The following KIAA0825 variants were observed in gnomAD, a reference collection of about 807,000 sequenced individuals.
The protein encoded by KIAA0825 is uncharacterized protein KIAA0825.
In KIAA0825, 119 loss-of-function variants were observed where a neutral mutation model predicts 147.6. The ratio of observed to expected loss-of-function variants is 0.81; its 90% CI spans 0.69 to 0.94. The LOEUF (loss-of-function observed/expected upper bound fraction) is 0.94. Ranked by LOEUF, KIAA0825 falls within the 40% of genes least tolerant of loss-of-function variation. KIAA0825 has a pLI of 0.00. For missense variants in KIAA0825, 1,381 were observed against 1,472.7 expected, an observed-to-expected ratio of 0.94 and a Z score of 1.02; for synonymous variants, 470 against 518.1, an observed-to-expected ratio of 0.91 and a Z score of 1.26.
At chr5:94,159,629 G>A (rs977362267) in intron 20 of KIAA0825, among the ~76,000 whole-genome samples, 6 of 151,910 alleles carry the variant, frequency 3.9e-5, no homozygotes. Context: ...GTATATGATC[G>A]TGTTGTCATT....
At chr5:94,380,494 C>A (rs1362964070) in intron 20 of KIAA0825, among the ~76,000 whole-genome samples, 1 of 152,212 alleles carries the variant, frequency 6.6e-6, no homozygotes, top group Non-Finnish European at 1.5e-5. Flanking sequence ...ATAAGGCAAA[C>A]AAGGTGCTAT....
intron 20 of KIAA0825, among the ~76,000 whole-genome samples, chr5:94,202,646 T>A (rs958900795): frequency 2.6e-5 from 4 of 152,200 alleles, no homozygotes; most frequent in African/African-American, 7.2e-5. Context: ...TGACTGGGGC[T>A]GGTGCCATCT....
At chr5:94,466,830 T>A (rs1183975791) in intron 10 of KIAA0825, among the ~76,000 whole-genome samples, 2 of 151,860 alleles carry the variant, frequency 1.3e-5, no homozygotes, top group Admixed American at 1.3e-4. Flanking sequence ...CTTTGTCATG[T>A]GTTTTGATGA....
intron 5 of KIAA0825, among the ~76,000 whole-genome samples, chr5:94,510,002 A>C (rs1766261625): frequency 6.6e-6 from 1 of 152,206 alleles, no homozygotes; most frequent in Admixed American, 6.5e-5. Flanking sequence ...TTTGGGAAAA[A>C]AGGTGTATGA....
chr5:94,263,449 T>A (rs143530389), intron 20 of KIAA0825, among the ~76,000 whole-genome samples: 97 of 152,312 alleles, frequency 6.4e-4, no homozygotes, highest in Non-Finnish European at 1.1e-3. Flanking sequence ...ACAGGATTCA[T>A]GTGTTTTGGC....
At chr5:94,489,887 C>CA (rs747717616) in intron 5 of KIAA0825, among the ~76,000 whole-genome samples, 1,431 of 57,372 alleles carry the variant, frequency 0.025, 18 homozygotes, top group African/African-American at 0.06. Flanking sequence ...GACTCTGTCT[C>CA]AAAAAAAAAA....
intron 1 of KIAA0825, among the ~76,000 whole-genome samples, chr5:94,596,512 G>C (rs751789876): frequency 1.6e-4 from 25 of 152,124 alleles, no homozygotes; most frequent in Non-Finnish European, 2.8e-4. Context: ...TGACTAACTT[G>C]ATGCCTCTGG....
chr5:94,373,035 A>G (rs1746955073), intron 20 of KIAA0825, among the ~76,000 whole-genome samples: 1 of 152,146 alleles, frequency 6.6e-6, no homozygotes, highest in Admixed American at 6.5e-5. Context: ...CAAGTTCCTC[A>G]TCTCCATCTT....
At chr5:94,581,071 AT>A (rs1782078620) in intron 2 of KIAA0825, among the ~76,000 whole-genome samples, 1 of 152,134 alleles carries the variant, frequency 6.6e-6, no homozygotes, top group Non-Finnish European at 1.5e-5. Flanking sequence ...CCTGTACTCA[AT>A]TATATCAAAT....
At chr5:94,248,849 A>G (rs897160170) in intron 20 of KIAA0825, among the ~76,000 whole-genome samples, 2 of 152,088 alleles carry the variant, frequency 1.3e-5, no homozygotes, top group Non-Finnish European at 2.9e-5. Flanking sequence ...TTTCTATTTT[A>G]CTTCCTTAAA....
chr5:94,396,027 A>C, intron 17 of KIAA0825, 74 bp downstream of exon 17: 5 of 1,326,414 alleles, frequency 3.8e-6, no homozygotes, highest in Non-Finnish European at 4.9e-6. Context: ...CTGACAATAT[A>C]TTGTCATTTA....
At chr5:94,232,179 C>T (rs1256857352) in intron 20 of KIAA0825, among the ~76,000 whole-genome samples, 2 of 152,002 alleles carry the variant, frequency 1.3e-5, no homozygotes, top group African/African-American at 2.4e-5. Context: ...GACAAATGGT[C>T]AAAGAAGCTT....
chr5:94,549,008 A>C (rs1584857313), intron 2 of KIAA0825, among the ~76,000 whole-genome samples: 1 of 152,214 alleles, frequency 6.6e-6, no homozygotes, highest in African/African-American at 2.4e-5. Context: ...CCTTACTTTC[A>C]GCATAGGACA....
intron 20 of KIAA0825, among the ~76,000 whole-genome samples, chr5:94,286,591 C>T (rs1777672850): frequency 6.6e-6 from 1 of 151,820 alleles, no homozygotes. Context: ...CTTGCTCTGT[C>T]ACCCAGGTTG....
chr5:94,595,404 C>G (rs1238798012), intron 1 of KIAA0825, among the ~76,000 whole-genome samples: 1 of 152,196 alleles, frequency 6.6e-6, no homozygotes, highest in Non-Finnish European at 1.5e-5. Flanking sequence ...CTGAGCTGTA[C>G]GTTGCTCCCT....
At chr5:94,454,957 A>G (rs1408393215) in intron 12 of KIAA0825, among the ~76,000 whole-genome samples, 1 of 152,132 alleles carries the variant, frequency 6.6e-6, no homozygotes, top group African/African-American at 2.4e-5. Flanking sequence ...GGGAAGATAG[A>G]AGGAGAAAAT....
At chr5:94,325,719 A>T (rs1780618166) in intron 20 of KIAA0825, among the ~76,000 whole-genome samples, 1 of 152,010 alleles carries the variant, frequency 6.6e-6, no homozygotes, top group Non-Finnish European at 1.5e-5. Context: ...AGAATGATGC[A>T]TGCTTCTTAT....
intron 2 of KIAA0825, among the ~76,000 whole-genome samples, chr5:94,566,044 G>A (rs1778653795): frequency 6.6e-6 from 1 of 152,050 alleles, no homozygotes; most frequent in South Asian, 2.1e-4. Flanking sequence ...TTCTGTTCCT[G>A]GCTTATTTCA....
At chr5:94,480,785 A>G (rs1453743392) in intron 6 of KIAA0825, among the ~76,000 whole-genome samples, 1 of 152,036 alleles carries the variant, frequency 6.6e-6, no homozygotes, top group African/African-American at 2.4e-5. Flanking sequence ...GATATAGAAA[A>G]TGAATTATGA....
Sources: allele counts gnomAD v4.1 joint callset (sites outside exome capture counted in the v4.1 genomes callset), GRCh38; gene constraint gnomAD v4.1.1; transcripts MANE v1.5; gene names NCBI Gene and HGNC (gene_info 2026-07-23, HGNC 2026-07-21).